Variants in UBE3C observed in about 807,000 individuals in gnomAD.
The protein encoded by UBE3C is ubiquitin protein ligase E3C.
A neutral mutation model predicts 129.4 loss-of-function variants in UBE3C; 42 were observed. That is an observed-to-expected ratio of 0.32 (90% CI 0.25 to 0.42). The LOEUF (loss-of-function observed/expected upper bound fraction) is 0.42. Among genes scored for constraint, UBE3C ranks in the 10% least tolerant of loss-of-function variants. UBE3C has a pLI of 1.00. For missense variants in UBE3C, 1,049 were observed against 1,319.1 expected (o/e 0.80, Z 3.17); for synonymous variants, 510 against 492.4 (o/e 1.04, Z -0.47).
chr7:157,171,421 CCCAGCCTTAGGGTCTCATGTTT>C, intron 4 of UBE3C, among the ~76,000 whole-genome samples: 1 of 151,892 alleles, frequency 6.6e-6, no homozygotes. Flanking sequence ...AGCCACCATG[CCCAGCCTTAGGGTCTCATGTTT>C]TTAAAAAAAA....
chr7:157,160,666 C>G (rs967278329), intron 1 of UBE3C, among the ~76,000 whole-genome samples: 4 of 152,104 alleles, frequency 2.6e-5, no homozygotes, highest in African/African-American at 7.2e-5. Flanking sequence ...CTGTCTTTCC[C>G]TTGTTAATTG....
At chr7:157,185,143 A>C (rs940431498) in intron 9 of UBE3C, among the ~76,000 whole-genome samples, 1 of 152,242 alleles carries the variant, frequency 6.6e-6, no homozygotes, top group Admixed American at 6.5e-5. Flanking sequence ...ATTTATATGC[A>C]GTGTATTTTG....
chr7:157,261,131 C>G (rs1056249011), intron 22 of UBE3C, among the ~76,000 whole-genome samples: 1 of 151,586 alleles, frequency 6.6e-6, no homozygotes, highest in African/African-American at 2.4e-5. Flanking sequence ...GATGAAACCC[C>G]GCCTCTACTA....
chr7:157,255,604 A>C (rs1464840341), intron 21 of UBE3C, among the ~76,000 whole-genome samples: 1 of 152,222 alleles, frequency 6.6e-6, no homozygotes, highest in Admixed American at 6.5e-5. Context: ...TTCATTACCC[A>C]TCTGCACTGA....
chr7:157,223,484 G>A lies in UBE3C; in HGVS notation c.2100+133G>A, dbSNP rs1206981330. The A allele has an allele frequency of 2.0e-5, 14 of 683,634 alleles. No individual in the cohort carries two copies. In the East Asian group the frequency reaches 3.1e-4, roughly 15 times the overall value. 42.3% of individuals were successfully genotyped at this position (683,634 alleles called of 1,614,324 possible). ...CATAACATACTTTTCTCATTAGGCT[G>A]AAATAGCTAAGAATGATTTATAAAA... On this transcript the variant is annotated intron_variant, in intron 16 of 22. Transcript: ENST00000348165.
At position 157,187,118 on chromosome 7, in the gene UBE3C, T is replaced by G. The variant is rs889455714; in HGVS notation, c.1331+97T>G. On this transcript the variant is annotated intron_variant, in intron 10 of 22. Coordinates refer to ENST00000348165, the MANE Select transcript of UBE3C (RefSeq NM_014671.3). ...TCCTCTTAAGTTTTGTCTGCTCTTT[T>G]CTGGTAGAGATTGATGTAGGATATT... The G allele has an allele frequency of 7.4e-6, 10 of 1,353,380 alleles. No homozygotes were observed. The African/African-American group carries it at 1.5e-4, about 20-fold the overall frequency. The allele number at this position is 1,353,380 out of a possible 1,614,324, so 83.8% of individuals were successfully genotyped here.
intron 10 of UBE3C, chr7:157,192,515 C>T (rs1250982648): frequency 1.3e-6 from 1 of 761,410 alleles, no homozygotes; most frequent in Non-Finnish European, 2.4e-6. Context: ...TGGCAAGCAA[C>T]TGGAAGATGG....
At chr7:157,227,647 CCGAG>C (rs1425744929) in intron 17 of UBE3C, among the ~76,000 whole-genome samples, 1 of 151,972 alleles carries the variant, frequency 6.6e-6, no homozygotes, top group African/African-American at 2.4e-5. Flanking sequence ...TTGCAGTGAG[CCGAG>C]ATCGCACCAC....
At chr7:157,234,014 T>A (rs748473875) in intron 18 of UBE3C, among the ~76,000 whole-genome samples, 4 of 152,198 alleles carry the variant, frequency 2.6e-5, no homozygotes, top group Non-Finnish European at 5.9e-5. Context: ...CCATTGCCTA[T>A]TTTTTTATTG....
rs561824384 is a variant in UBE3C, at chr7:157,182,187, G to T, written c.850G>T (p.Ala284Ser). ...TCAGATTTTTCATTTCATCATTCCG[G>T]CGCTTGCAGATGCGCAGACCGTTTT... ...TDQIFHFIIP[A>S]LADAQTVFPY... The change falls in exon 8 of 23, where the codon GCG (alanine) becomes TCG (serine). Residue 284 changes from alanine to serine, a missense_variant. By Grantham distance (99) the Ala-to-Ser change is moderately conservative. Around this residue, in one of 4 missense-constraint regions of UBE3C, gnomAD observed 489 missense variants for 513.8 expected, o/e 0.95. Coordinates refer to ENST00000348165, the MANE Select transcript of UBE3C (RefSeq NM_014671.3). 1 of 1,613,774 alleles carries T rather than the reference G, an allele frequency of 6.2e-7. No individual in the cohort carries two copies. The highest frequency in any genetic ancestry group is 2.2e-5 in the East Asian group (1 of 44,864).
At chr7:157,249,541 G>A (rs550283890) in intron 19 of UBE3C, among the ~76,000 whole-genome samples, 13 of 152,280 alleles carry the variant, frequency 8.5e-5, no homozygotes, top group African/African-American at 2.9e-4. Flanking sequence ...TCGAACTCCC[G>A]ACCTCAGGTG....
Position 157,170,414 on chromosome 7 carries a change from G to T in UBE3C, c.306G>T (p.Leu102=). ...PNLTLLVRQL[L]FFYKQNEDSK... ...TTACCCTTTTGGTAAGGCAGCTTCT[G>T]TTTTTTTACAAACAAAATGAAGACT... The change falls in exon 4 of 23, where the codon CTG becomes CTT. Residue 102 remains leucine, a synonymous_variant. Coordinates refer to ENST00000348165, the MANE Select transcript of UBE3C (RefSeq NM_014671.3). 6.4e-7 allele frequency: 1 copy of T among 1,564,534 alleles called. No individual in the cohort carries two copies.
At chr7:157,229,478 C>T (rs1355036678) in intron 17 of UBE3C, among the ~76,000 whole-genome samples, 1 of 152,058 alleles carries the variant, frequency 6.6e-6, no homozygotes, top group African/African-American at 2.4e-5. Flanking sequence ...CCACGCCCGG[C>T]TAATTTTTTT....
chr7:157,201,696 G>C (rs751129660), intron 10 of UBE3C, 25 bp from the exon 11 acceptor site: 15 of 798,398 alleles, frequency 1.9e-5, no homozygotes, highest in Non-Finnish European at 2.3e-5. Context: ...TTACTGTTCT[G>C]TGTTTTTCTC....
At chr7:157,187,701 C>T (rs1370769687) in intron 10 of UBE3C, among the ~76,000 whole-genome samples, 4 of 151,816 alleles carry the variant, frequency 2.6e-5, no homozygotes, top group Non-Finnish European at 4.4e-5. Flanking sequence ...CTCAGCCTCC[C>T]GAGTAGCTGG....
chr7:157,176,343 C>T (rs982029376), intron 5 of UBE3C, among the ~76,000 whole-genome samples: 21 of 152,228 alleles, frequency 1.4e-4, no homozygotes, highest in African/African-American at 2.2e-4. Context: ...GGCGTGATCT[C>T]GGCTCACTGC....
intron 1 of UBE3C, among the ~76,000 whole-genome samples, chr7:157,149,470 A>G (rs1807699358): frequency 6.6e-6 from 1 of 152,152 alleles, no homozygotes; most frequent in Admixed American, 6.6e-5. Context: ...GCCTACAGGG[A>G]GGTGAGTAAA....
intron 10 of UBE3C, chr7:157,197,849 A>G: frequency 6.2e-7 from 1 of 1,610,090 alleles, no homozygotes. Flanking sequence ...AATCATCAAT[A>G]AGAACAACCG....
At chr7:157,155,192 C>T (rs1049980495) in intron 1 of UBE3C, among the ~76,000 whole-genome samples, 1 of 152,046 alleles carries the variant, frequency 6.6e-6, no homozygotes, top group African/African-American at 2.4e-5. Context: ...CCCCTCCACA[C>T]GCACACACAC....
Sources: gnomAD v4.1 joint callset for allele counts (sites outside exome capture counted in the v4.1 genomes callset) on GRCh38, gnomAD v4.1.1 for gene constraint, gnomAD v4.1.1 regional missense constraint, MANE v1.5 for transcripts, NCBI Gene and HGNC (gene_info 2026-07-23, HGNC 2026-07-21) for gene names.